Variants in CT45A1 observed in about 807,000 individuals in gnomAD.
The protein encoded by CT45A1 is cancer/testis antigen 45-1.
intron 1 of CT45A1, among the ~76,000 whole-genome samples, chrX:135,713,942 C>T (rs2087956074): frequency 9.6e-6 from 1 of 104,483 alleles, no homozygotes; most frequent in Admixed American, 1.0e-4. Context: ...TTCTTGGGGG[C>T]TCTGTCTCGG....
chrX:135,718,128 G>A (rs1361900462), intron 1 of CT45A1, among the ~76,000 whole-genome samples: 2 of 111,946 alleles, frequency 1.8e-5, no homozygotes, highest in African/African-American at 6.5e-5. Flanking sequence ...TTTAAACATT[G>A]ACCATGTATG....
upstream of CT45A1, among the ~76,000 whole-genome samples, chrX:135,709,833 A>G (rs782496064): frequency 7.2e-5 from 8 of 111,625 alleles, no homozygotes; most frequent in South Asian, 2.7e-3. Flanking sequence ...ATGCAATTAT[A>G]CCCAAGTGAG....
chrX:135,718,196 G>A (rs2088004996), intron 1 of CT45A1, among the ~76,000 whole-genome samples: 1 of 111,696 alleles, frequency 9.0e-6, no homozygotes, highest in Non-Finnish European at 1.9e-5. Context: ...TTAATGTGGT[G>A]CATTACATTT....
intron 1 of CT45A1, among the ~76,000 whole-genome samples, chrX:135,714,530 C>CT (rs1364761129): frequency 9.1e-6 from 1 of 110,003 alleles, no homozygotes; most frequent in Admixed American, 9.7e-5. Flanking sequence ...CACCGGGACT[C>CT]TATCTGACCT....
chrX:135,711,321 T>A (rs1361787957), upstream of CT45A1, among the ~76,000 whole-genome samples: 2 of 112,429 alleles, frequency 1.8e-5, no homozygotes, highest in Non-Finnish European at 1.9e-5. Flanking sequence ...GAAAATGTGT[T>A]CTGTAAAGGT....
chrX:135,712,937 T>TTTCTTTCTTTCTTTCTTTC (rs1556570064), upstream of CT45A1, among the ~76,000 whole-genome samples: 10 of 69,550 alleles, frequency 1.4e-4, no homozygotes, highest in Middle Eastern at 6.3e-3. Flanking sequence ...TCTTTTCTTT[T>TTTCTTTCTTTCTTTCTTTC]TTTCTTTCTT....
At chrX:135,715,259 A>G (rs1603082542) in intron 1 of CT45A1, among the ~76,000 whole-genome samples, 1 of 87,170 alleles carries the variant, frequency 1.1e-5, no homozygotes, top group East Asian at 3.4e-4. Flanking sequence ...TTATATATAT[A>G]TAATACTTAT....
At chrX:135,709,650 G>C (rs781989338), upstream of CT45A1, among the ~76,000 whole-genome samples, 2 of 111,806 alleles carry the variant, frequency 1.8e-5, no homozygotes, top group Admixed American at 1.9e-4. Flanking sequence ...TCATATGTGG[G>C]AGCTAAACAA....
intron 1 of CT45A1, among the ~76,000 whole-genome samples, chrX:135,715,340 T>A (rs1473609952): frequency 4.6e-4 from 17 of 36,909 alleles, no homozygotes; most frequent in Non-Finnish European, 1.4e-4. Context: ...ATATTATATA[T>A]ATATAATACT....
intron 1 of CT45A1, among the ~76,000 whole-genome samples, chrX:135,714,975 A>G (rs1327004818): frequency 1.9e-5 from 2 of 107,046 alleles, no homozygotes; most frequent in African/African-American, 6.8e-5. Flanking sequence ...GTTTCCATAT[A>G]TTCTGTATTT....
upstream of CT45A1, among the ~76,000 whole-genome samples, chrX:135,711,981 T>C (rs1556569691): frequency 9.2e-6 from 1 of 109,045 alleles, no homozygotes; most frequent in African/African-American, 3.3e-5. Context: ...CTGGGGAGGC[T>C]GAGGCAGGAG....
At chrX:135,718,569 A>G (rs1314912800) in intron 1 of CT45A1, among the ~76,000 whole-genome samples, 2 of 110,823 alleles carry the variant, frequency 1.8e-5, no homozygotes, top group African/African-American at 6.5e-5. Flanking sequence ...ATGTTTAACA[A>G]GGGTTAATAC....
upstream of CT45A1, among the ~76,000 whole-genome samples, chrX:135,712,342 G>C (rs1202324813): frequency 3.8e-5 from 4 of 106,531 alleles, no homozygotes; most frequent in Non-Finnish European, 7.7e-5. Flanking sequence ...TTTGTATCTT[G>C]TGTACAGACG....
At chrX:135,715,433 C>CTTATATATAATACTT (rs2087976880) in intron 1 of CT45A1, among the ~76,000 whole-genome samples, 1 of 75,756 alleles carries the variant, frequency 1.3e-5, no homozygotes, top group African/African-American at 5.3e-5. Flanking sequence ...ATATATAATA[C>CTTATATATAATACTT]TTATATATAA....
chrX:135,716,378 A>C (rs782170907), intron 1 of CT45A1, among the ~76,000 whole-genome samples: 1 of 111,643 alleles, frequency 9.0e-6, no homozygotes, highest in Non-Finnish European at 1.9e-5. Flanking sequence ...GAGTCCAGAT[A>C]TATTTGATGT....
At chrX:135,710,142 C>T (rs146734258), upstream of CT45A1, 43 of 114,762 alleles carry the variant, frequency 3.7e-4, no homozygotes, top group African/African-American at 1.3e-3. Context: ...CTAATATCTG[C>T]CATTCTCCAA....
upstream of CT45A1, among the ~76,000 whole-genome samples, chrX:135,712,937 T>TC (rs782502268): frequency 2.9e-5 from 2 of 69,548 alleles, no homozygotes; most frequent in African/African-American, 1.3e-4. Context: ...TCTTTTCTTT[T>TC]TTTCTTTCTT....
intron 1 of CT45A1, among the ~76,000 whole-genome samples, chrX:135,718,367 T>A (rs1319924366): frequency 9.0e-6 from 1 of 111,347 alleles, no homozygotes; most frequent in African/African-American, 3.3e-5. Flanking sequence ...TGGCTTGATC[T>A]TGTAGTTTTT....
In CT45A1 at chrX:135,715,738, A is replaced by G. The variant is rs1181709063; in HGVS notation, c.-7+2048A>G. On this transcript the variant is annotated intron_variant, in intron 1 of 4. Transcript: ENST00000594565. ...TATATAAAATACTTTAAGTTCTGGGATACATGTGCAGAACGTGCAGGTTTG... is the reference window on the plus strand; with the variant it reads ...TATATAAAATACTTTAAGTTCTGGGGTACATGTGCAGAACGTGCAGGTTTG... 6.7e-5 allele frequency among the ~76,000 whole-genome samples: 7 copies of G among 104,795 alleles called. No homozygotes were observed. In the East Asian group the frequency reaches 2.0e-3, roughly 30 times the overall value. 91.0% of individuals were successfully genotyped at this position (104,795 alleles called of 115,157 possible). A position where few individuals can be genotyped will look rare whatever the true frequency, so the allele number is the denominator to read the frequency against.
Sources: allele counts gnomAD v4.1 joint callset (sites outside exome capture counted in the v4.1 genomes callset), GRCh38; gene constraint gnomAD v4.1.1; transcripts MANE v1.5; gene names NCBI Gene and HGNC (gene_info 2026-07-23, HGNC 2026-07-21).